Variants in ASIC2 observed in about 807,000 individuals in gnomAD.
ASIC2 encodes acid-sensing ion channel 2.
ASIC2 carries 25 observed loss-of-function variants against 57.3 expected under a neutral mutation model. The observed-to-expected ratio is 0.44, with a 90% CI of 0.32 to 0.61. The LOEUF is 0.61. Ranked by LOEUF, ASIC2 falls within the 20% of genes least tolerant of loss-of-function variation. ASIC2 has a pLI of 0.06. For missense variants in ASIC2, 641 were observed against 738.1 expected (o/e 0.87, Z 1.52); for synonymous variants, 319 against 307.5 (o/e 1.04, Z -0.39).
intron 1 of ASIC2, among the ~76,000 whole-genome samples, chr17:33,543,486 C>A (rs983163484): frequency 6.6e-6 from 1 of 152,072 alleles, no homozygotes; most frequent in Non-Finnish European, 1.5e-5. Context: ...GTTGCATCTC[C>A]CTGGAGCCCC....
chr17:33,557,814 T>C (rs1433005211), intron 1 of ASIC2, among the ~76,000 whole-genome samples: 4 of 152,178 alleles, frequency 2.6e-5, no homozygotes, highest in Non-Finnish European at 4.4e-5. Context: ...TAAAAATCTT[T>C]TGAAAACATC....
At chr17:33,211,836 C>T (rs1194767668) in intron 1 of ASIC2, among the ~76,000 whole-genome samples, 1 of 152,220 alleles carries the variant, frequency 6.6e-6, no homozygotes, top group Non-Finnish European at 1.5e-5. Flanking sequence ...TGCTAGACCA[C>T]CATACCCTCC....
intron 7 of ASIC2, 113 bp from the exon 8 acceptor site, chr17:33,017,797 T>G (rs1238378572): frequency 2.0e-5 from 19 of 937,034 alleles, no homozygotes; most frequent in Non-Finnish European, 1.1e-5. Flanking sequence ...ATGGGGAGCC[T>G]GGGCCTTGTT....
chr17:33,118,714 T>C (rs1403421777), intron 1 of ASIC2, among the ~76,000 whole-genome samples: 1 of 152,190 alleles, frequency 6.6e-6, no homozygotes, highest in Non-Finnish European at 1.5e-5. Context: ...AAATGACTTG[T>C]CCCAGGTCAC....
chr17:33,651,318 A>T (rs538852877), intron 1 of ASIC2, among the ~76,000 whole-genome samples: 1 of 152,216 alleles, frequency 6.6e-6, no homozygotes, highest in Non-Finnish European at 1.5e-5. Flanking sequence ...AACTTTTCGT[A>T]TTAATTCTGC....
intron 1 of ASIC2, among the ~76,000 whole-genome samples, chr17:33,980,054 CAG>C (rs761864479): frequency 3.7e-4 from 57 of 152,238 alleles, no homozygotes; most frequent in South Asian, 6.2e-4. Context: ...TGTAGATTCT[CAG>C]ACAGCAGCAT....
rs528993624 is a variant in ASIC2, at chr17:33,784,894, G to A, written c.555+371084C>T. On this transcript the variant is annotated intron_variant, in intron 1 of 9. Coordinates refer to the ASIC2 transcript ENST00000359872. ...TGCCTTTTGGGGAACAATTTTACCC[G>A]TACTTTATCATTTTTTTTCCTTGCC... 2.4e-3 allele frequency among the ~76,000 whole-genome samples: 360 copies of A among 152,198 alleles called. 2 individuals carry two copies. Among genetic ancestry groups the A allele is most frequent in the Non-Finnish European group, 4.2e-3 (283 of 68,006 alleles).
chr17:33,789,677 G>GTA (rs1911709830), intron 1 of ASIC2, among the ~76,000 whole-genome samples: 1 of 151,808 alleles, frequency 6.6e-6, no homozygotes, highest in African/African-American at 2.4e-5. Context: ...AATTTCCTTT[G>GTA]TGTGTGTGTG....
chr17:34,031,950 C>A (rs935405815), intron 1 of ASIC2, among the ~76,000 whole-genome samples: 1 of 152,116 alleles, frequency 6.6e-6, no homozygotes, highest in East Asian at 1.9e-4. Flanking sequence ...AGGATATTAT[C>A]CAGGAGAACT....
chr17:34,105,142 A>G (rs893294130), intron 1 of ASIC2, among the ~76,000 whole-genome samples: 2 of 152,036 alleles, frequency 1.3e-5, no homozygotes, highest in Non-Finnish European at 2.9e-5. Flanking sequence ...CAGAATTTCT[A>G]TATCATCTTG....
intron 1 of ASIC2, among the ~76,000 whole-genome samples, chr17:33,499,362 T>C (rs1479997911): frequency 4.6e-5 from 7 of 152,216 alleles, no homozygotes; most frequent in Non-Finnish European, 8.8e-5. Context: ...AATAGGGGTC[T>C]TTGCAGATGT....
intron 1 of ASIC2, among the ~76,000 whole-genome samples, chr17:33,740,092 C>A (rs1910062899): frequency 6.6e-6 from 1 of 151,980 alleles, no homozygotes; most frequent in African/African-American, 2.4e-5. Flanking sequence ...AAAGGAGAGC[C>A]AGGGTTATTC....
chr17:33,089,258 G>A (rs576730411), intron 2 of ASIC2, among the ~76,000 whole-genome samples: 28 of 152,182 alleles, frequency 1.8e-4, no homozygotes, highest in African/African-American at 6.8e-4. Context: ...AATCACAGAG[G>A]TTCCTATGAA....
At chr17:33,815,129 T>C (rs1352567021) in intron 1 of ASIC2, among the ~76,000 whole-genome samples, 5 of 152,144 alleles carry the variant, frequency 3.3e-5, no homozygotes, top group Admixed American at 3.3e-4. Flanking sequence ...ATGTGTGCCC[T>C]TCCTGAGACA....
chr17:33,380,245 C>CAAAAAAAAAAAAAAAAAAAAAAAA (rs10586872), intron 1 of ASIC2, among the ~76,000 whole-genome samples: 4 of 71,060 alleles, frequency 5.6e-5, no homozygotes, highest in Admixed American at 2.0e-4. Context: ...AACCCTGTCT[C>CAAAAAAAAAAAAAAAAAAAAAAAA]AAAAAAAAAA....
chr17:33,331,273 C>G (rs1015882100), intron 1 of ASIC2, among the ~76,000 whole-genome samples: 11 of 152,162 alleles, frequency 7.2e-5, no homozygotes, highest in African/African-American at 2.4e-4. Flanking sequence ...TCCCTGGTGC[C>G]AAAATGGTTG....
intron 1 of ASIC2, among the ~76,000 whole-genome samples, chr17:33,456,285 C>A (rs1052341386): frequency 1.3e-5 from 2 of 152,086 alleles, no homozygotes; most frequent in African/African-American, 4.8e-5. Context: ...TTTCCTACCC[C>A]CTTTATTGTC....
At position 33,324,658 on chromosome 17, in the gene ASIC2, T is replaced by C. The variant is rs1906997794; in HGVS notation, c.556-212591A>G. 2.0e-5 allele frequency among the ~76,000 whole-genome samples: 3 copies of C among 152,308 alleles called. No individual in the cohort carries two copies. The South Asian group carries it at 6.2e-4, about 32-fold the overall frequency. On this transcript the variant is annotated intron_variant, in intron 1 of 9. Transcript: ENST00000359872. ...TCATTGCTCTCATCTCAGCATTTCC[T>C]GTCATCCCTTGGCCAAGTCACTGAA...
chr17:33,364,667 G>T (rs1455834915), intron 1 of ASIC2, among the ~76,000 whole-genome samples: 1 of 152,122 alleles, frequency 6.6e-6, no homozygotes, highest in Non-Finnish European at 1.5e-5. Flanking sequence ...AGTTTCCTGA[G>T]GCCTCCCCAG....
Sources: gnomAD v4.1 joint callset for allele counts (sites outside exome capture counted in the v4.1 genomes callset) on GRCh38, gnomAD v4.1.1 for gene constraint, MANE v1.5 for transcripts, NCBI Gene and HGNC (gene_info 2026-07-23, HGNC 2026-07-21) for gene names.